TRIM49D1: variants seen among roughly 807,000 people sequenced by gnomAD.
The protein encoded by TRIM49D1 is tripartite motif-containing protein 49D.
chr11:89,922,119 A>G lies in TRIM49D1; in HGVS notation c.-483T>C, dbSNP rs745576616. Among the ~76,000 whole-genome samples the G allele has an allele frequency of 3.9e-5, 6 of 151,930 alleles. No individual in the cohort carries two copies. In the South Asian group the frequency reaches 6.2e-4, roughly 16 times the overall value. On this transcript the variant is annotated 5_prime_UTR_variant, in exon 1 of 8. Transcript: ENST00000420869. ...ATTTGGGTTCATTTCTGGGTTCTCT[A>G]TTCTGTTCCACTGGTCTATGTGCCT...
intron 1 of TRIM49D1, among the ~76,000 whole-genome samples, chr11:89,921,480 C>A (rs1217781432): frequency 3.3e-5 from 5 of 151,954 alleles, no homozygotes; most frequent in African/African-American, 1.2e-4. Flanking sequence ...CCAATAGCCC[C>A]CACAAGACTT....
intron 7 of TRIM49D1, 133 bp from the exon 8 acceptor site, chr11:89,912,219 AAAG>A: frequency 5.6e-6 from 2 of 354,614 alleles, no homozygotes; most frequent in Non-Finnish European, 9.8e-6. Flanking sequence ...CAGGAAACGT[AAAG>A]TCACAAGGAC....
chr11:89,921,794 G>A (rs1361241647), intron 1 of TRIM49D1, 58 bp downstream of exon 1: 1 of 152,034 alleles, frequency 6.6e-6, no homozygotes, highest in African/African-American at 2.4e-5. Context: ...TTTAAATGTT[G>A]TTCAAGGAAT....
At chr11:89,912,400 A>G (rs1950320501) in intron 7 of TRIM49D1, among the ~76,000 whole-genome samples, 1 of 149,468 alleles carries the variant, frequency 6.7e-6, no homozygotes, top group Non-Finnish European at 1.5e-5. Flanking sequence ...TTTGCACATT[A>G]TGTGCCCTAA....
In TRIM49D1 at chr11:89,920,368, C is replaced by A; in HGVS notation, c.-74G>T. The A allele has an allele frequency of 4.3e-6, 1 of 235,024 alleles. No homozygotes were observed. The highest frequency in any genetic ancestry group is 7.3e-6 in the Non-Finnish European group (1 of 137,104). The allele number at this position is 235,024 out of a possible 1,614,324, so 14.6% of individuals were successfully genotyped here. A position where few individuals can be genotyped will look rare whatever the true frequency, so the allele number is the denominator to read the frequency against. On this transcript the variant is annotated 5_prime_UTR_variant, in exon 2 of 8. An upstream open reading frame in the 5' UTR loses its in-frame stop. Coordinates refer to ENST00000420869, the MANE Select transcript of TRIM49D1 (RefSeq NM_001384911.1). ...AATTCTGTTAAGTACTCCTCAAGGT[C>A]AGGAGCTCATTCGCCGCAGTACTGA...
At chr11:89,920,726 T>TATAGTATTTTTATTATGG in intron 1 of TRIM49D1, among the ~76,000 whole-genome samples, 1 of 152,142 alleles carries the variant, frequency 6.6e-6, no homozygotes, top group East Asian at 1.9e-4. Flanking sequence ...TCATCCAAGA[T>TATAGTATTTTTATTATGG]ACAGGCATTC....
chr11:89,921,749 G>A (rs529090849), intron 1 of TRIM49D1, 103 bp downstream of exon 1: 20 of 152,164 alleles, frequency 1.3e-4, no homozygotes, highest in African/African-American at 2.9e-4. Context: ...AAAGTCATTA[G>A]GGGGCAACTG....
chr11:89,911,496 ATTT>A lies in TRIM49D1; in HGVS notation c.*88_*90del. The A allele has an allele frequency of 1.7e-6, 1 of 580,420 alleles. No individual in the cohort carries two copies. The highest frequency in any genetic ancestry group is 2.1e-5 in the South Asian group (1 of 48,448). 36.0% of individuals were successfully genotyped at this position (580,420 alleles called of 1,614,324 possible). On this transcript the variant is annotated 3_prime_UTR_variant, in exon 8 of 8. Coordinates refer to ENST00000420869, the MANE Select transcript of TRIM49D1 (RefSeq NM_001384911.1). ...CAATTCAAGACATAAAACAGAACGT[ATTT>A]GTCCTGTTTGATAAGGCACAAGGAA...
chr11:89,920,786 G>A (rs1245607841), intron 1 of TRIM49D1, among the ~76,000 whole-genome samples: 8 of 152,042 alleles, frequency 5.3e-5, no homozygotes, highest in Non-Finnish European at 8.8e-5. Flanking sequence ...CTTGTGGAGT[G>A]CAGTGGTACA....
chr11:89,921,411 A>G (rs1374434875), intron 1 of TRIM49D1, among the ~76,000 whole-genome samples: 2 of 152,070 alleles, frequency 1.3e-5, no homozygotes, highest in Non-Finnish European at 2.9e-5. Flanking sequence ...GACAATTTAA[A>G]AAAGAAAAGA....
At chr11:89,920,729 A>G (rs932732055) in intron 1 of TRIM49D1, among the ~76,000 whole-genome samples, 1 of 152,016 alleles carries the variant, frequency 6.6e-6, no homozygotes, top group Admixed American at 6.6e-5. Context: ...TCCAAGATAC[A>G]GGCATTCCTC....
intron 1 of TRIM49D1, among the ~76,000 whole-genome samples, 161 bp from the exon 2 acceptor site, chr11:89,920,670 T>A (rs1415937178): frequency 6.6e-6 from 1 of 152,074 alleles, no homozygotes; most frequent in Non-Finnish European, 1.5e-5. Flanking sequence ...AGATTTGACA[T>A]ACACTGGAAA....
In TRIM49D1 at chr11:89,922,104, A is replaced by T. The variant is rs1384685339; in HGVS notation, c.-468T>A. On this transcript the variant is annotated 5_prime_UTR_variant, in exon 1 of 8. It removes an upstream start codon present in the reference 5' UTR. Coordinates refer to ENST00000420869, the MANE Select transcript of TRIM49D1 (RefSeq NM_001384911.1). ...AGTTGGTTGTTAAGTATTTGGGTTCATTTCTGGGTTCTCTATTCTGTTCCA... is the reference window on the plus strand; with the variant it reads ...AGTTGGTTGTTAAGTATTTGGGTTCTTTTCTGGGTTCTCTATTCTGTTCCA... Among the ~76,000 whole-genome samples, 1 of 151,728 alleles carries T rather than the reference A, an allele frequency of 6.6e-6. No homozygotes were observed. The highest frequency in any genetic ancestry group is 1.5e-5 in the Non-Finnish European group (1 of 67,970).
Position 89,920,402 on chromosome 11 carries a change from G to A in TRIM49D1, c.-108C>T, listed in dbSNP as rs1315301973. 1 of 183,072 alleles carries A rather than the reference G, an allele frequency of 5.5e-6. No individual in the cohort carries two copies. Among genetic ancestry groups the A allele is most frequent in the African/African-American group, 3.4e-5 (1 of 29,214 alleles). 11.3% of individuals were successfully genotyped at this position (183,072 alleles called of 1,614,324 possible). ...ATTCGCCGCAGTACTGAGTTTCAGA[G>A]GTCACCAAAACACAGCTTCCTCTAA... is the stretch of plus-strand genomic sequence containing the variant. On this transcript the variant is annotated 5_prime_UTR_variant, in exon 2 of 8. Transcript: ENST00000420869.
chr11:89,922,242 G>A lies in TRIM49D1; in HGVS notation c.-606C>T, dbSNP rs1197968761. 6.6e-6 allele frequency among the ~76,000 whole-genome samples: 1 copy of A among 151,954 alleles called. No homozygotes were observed. The highest frequency in any genetic ancestry group is 2.4e-5 in the African/African-American group (1 of 41,304). On this transcript the variant is annotated 5_prime_UTR_variant, in exon 1 of 8. Transcript: ENST00000420869. ...CCAGACAGTCGGCTGCAGCAGCACA[G>A]CCTCATCCAGCAATTAGAGAGGGGA...
At chr11:89,920,581 C>T (rs1255156300) in intron 1 of TRIM49D1, 72 bp from the exon 2 acceptor site, 3 of 292,140 alleles carry the variant, frequency 1.0e-5, no homozygotes, top group African/African-American at 2.2e-5. Context: ...TAGATCGCAC[C>T]TTTGCACCGC....
At position 89,921,924 on chromosome 11, in the gene TRIM49D1, CGTGA is replaced by C. The variant is rs1565466559; in HGVS notation, c.-292_-289del. ...CAAAATACCTTCCCAGTAGGTCCTACGTGAGTGTTTCATTGAATAACAATAAGAA... is the reference window on the plus strand; with the variant it reads ...CAAAATACCTTCCCAGTAGGTCCTACGTGTTTCATTGAATAACAATAAGAA... On this transcript the variant is annotated 5_prime_UTR_variant, in exon 1 of 8. It removes the in-frame stop codon of an upstream open reading frame in the 5' UTR. Transcript: ENST00000420869. Among the ~76,000 whole-genome samples, 1 of 152,012 alleles carries C rather than the reference CGTGA, an allele frequency of 6.6e-6. No individual in the cohort carries two copies. The highest frequency in any genetic ancestry group is 1.5e-5 in the Non-Finnish European group (1 of 68,032).
intron 1 of TRIM49D1, among the ~76,000 whole-genome samples, chr11:89,921,317 G>A (rs193267548): frequency 7.2e-5 from 11 of 152,066 alleles, no homozygotes; most frequent in Admixed American, 1.3e-4. Flanking sequence ...GTTTTAGGAC[G>A]TAGGCTAATT....
chr11:89,921,316 C>T (rs985639305), intron 1 of TRIM49D1, among the ~76,000 whole-genome samples: 60 of 151,980 alleles, frequency 3.9e-4, no homozygotes, highest in South Asian at 4.2e-4. Flanking sequence ...AGTTTTAGGA[C>T]GTAGGCTAAT....
Sources: allele counts gnomAD v4.1 joint callset (sites outside exome capture counted in the v4.1 genomes callset), GRCh38; gene constraint gnomAD v4.1.1; transcripts MANE v1.5; gene names NCBI Gene and HGNC (gene_info 2026-07-23, HGNC 2026-07-21).